Variants in KLHL3 observed in about 807,000 individuals in gnomAD.
KLHL3 encodes kelch-like protein 3.
In KLHL3, 19 loss-of-function variants were observed where a neutral mutation model predicts 70.5. The observed-to-expected ratio is 0.27, with a 90% CI of 0.19 to 0.40. The LOEUF (loss-of-function observed/expected upper bound fraction) is 0.40, where lower values mean the gene tolerates loss of function less well. KLHL3 is among the 10% of genes least tolerant of loss of function. KLHL3 has a pLI of 1.00. For missense variants in KLHL3, 512 were observed against 771.1 expected (o/e 0.66, Z 3.98); for synonymous variants, 258 against 290.3 (o/e 0.89, Z 1.13).
At chr5:137,633,278 CAAAAAAAAA>C (rs56084512) in intron 12 of KLHL3, among the ~76,000 whole-genome samples, 2 of 72,004 alleles carry the variant, frequency 2.8e-5, no homozygotes, top group Non-Finnish European at 4.6e-5. Flanking sequence ...GACTTCATCT[CAAAAAAAAA>C]AAAAAAAAAA....
chr5:137,696,203 G>C (rs1454388809), intron 4 of KLHL3, among the ~76,000 whole-genome samples: 1 of 152,246 alleles, frequency 6.6e-6, no homozygotes, highest in African/African-American at 2.4e-5. Flanking sequence ...ATTGCAGGGA[G>C]GCAGGGCCAT....
intron 2 of KLHL3, among the ~76,000 whole-genome samples, chr5:137,717,880 T>C (rs59102052): frequency 0.048 from 7,362 of 152,124 alleles, 611 homozygotes; most frequent in African/African-American, 0.17. Flanking sequence ...AGAGGGAGAA[T>C]AAGATTATTC....
intron 3 of KLHL3, among the ~76,000 whole-genome samples, chr5:137,698,686 T>C (rs1752501354): frequency 6.6e-6 from 1 of 152,228 alleles, no homozygotes; most frequent in South Asian, 2.1e-4. Context: ...ATCACTCATT[T>C]AACCAACATT....
intron 6 of KLHL3, among the ~76,000 whole-genome samples, chr5:137,665,124 A>G (rs1751582503): frequency 6.6e-6 from 1 of 152,202 alleles, no homozygotes; most frequent in Admixed American, 6.5e-5. Context: ...GCAACATTCT[A>G]TAGGACGGCT....
intron 6 of KLHL3, among the ~76,000 whole-genome samples, chr5:137,668,671 G>A (rs570823585): frequency 1.3e-5 from 2 of 152,286 alleles, no homozygotes; most frequent in South Asian, 4.1e-4. Context: ...AACAAGACTT[G>A]TGTTAAGCAT....
chr5:137,721,663 G>C (rs1752999679), intron 1 of KLHL3, among the ~76,000 whole-genome samples: 1 of 152,208 alleles, frequency 6.6e-6, no homozygotes, highest in Admixed American at 6.5e-5. Context: ...CAAGAGACAA[G>C]GGTATGGTGG....
intron 5 of KLHL3, among the ~76,000 whole-genome samples, chr5:137,683,246 AT>A (rs1454691229): frequency 2.0e-5 from 3 of 152,036 alleles, no homozygotes; most frequent in Non-Finnish European, 2.9e-5. Flanking sequence ...GAACATACTC[AT>A]TGTGTTTTAC....
At chr5:137,695,964 A>G (rs1752435625) in intron 4 of KLHL3, among the ~76,000 whole-genome samples, 1 of 152,150 alleles carries the variant, frequency 6.6e-6, no homozygotes, top group Non-Finnish European at 1.5e-5. Flanking sequence ...CCACCTCAGC[A>G]TTACAGTTCT....
intron 5 of KLHL3, among the ~76,000 whole-genome samples, chr5:137,685,376 C>T (rs2905592): frequency 0.78 from 118,851 of 152,124 alleles, 46,658 homozygotes; most frequent in East Asian, 0.98. Flanking sequence ...TAGCCATACA[C>T]AAGGGTGTGG....
chr5:137,660,742 G>A (rs895469827), intron 7 of KLHL3: 2 of 152,192 alleles, frequency 1.3e-5, no homozygotes, highest in Admixed American at 6.5e-5. Flanking sequence ...AAAGACTACA[G>A]AGTAAGATCA....
Position 137,621,929 on chromosome 5 carries a change from G to T in KLHL3, c.*169C>A. 2 of 723,312 alleles carry T rather than the reference G, an allele frequency of 2.8e-6. No individual in the cohort carries two copies. The highest frequency in any genetic ancestry group is 3.3e-5 in the South Asian group (2 of 60,238). The allele number at this position is 723,312 out of a possible 1,614,324, so 44.8% of individuals were successfully genotyped here. A position where few individuals can be genotyped will look rare whatever the true frequency, so the allele number is the denominator to read the frequency against. ...CCTCAGGGGAACGGGGGTGGGTAAT[G>T]GTGTCCACACTGCGATGAACAACAC... On this transcript the variant is annotated 3_prime_UTR_variant, in exon 15 of 15. Coordinates refer to ENST00000309755, the MANE Select transcript of KLHL3 (RefSeq NM_017415.3).
intron 5 of KLHL3, among the ~76,000 whole-genome samples, chr5:137,689,312 CCAG>C (rs1234303417): frequency 6.6e-6 from 1 of 152,152 alleles, no homozygotes. Flanking sequence ...ACCATTTGAC[CCAG>C]CAACCCCATT....
At chr5:137,730,527 G>C (rs191515884) in intron 1 of KLHL3, among the ~76,000 whole-genome samples, 99 of 152,256 alleles carry the variant, frequency 6.5e-4, no homozygotes, top group Middle Eastern at 3.4e-3. Flanking sequence ...TGTCATTCTT[G>C]TAACATGCTC....
chr5:137,674,859 T>G (rs565995225), intron 6 of KLHL3, among the ~76,000 whole-genome samples: 5 of 152,348 alleles, frequency 3.3e-5, no homozygotes, highest in African/African-American at 1.2e-4. Context: ...CTAAATCTCC[T>G]GGAGCAGACA....
chr5:137,684,350 A>G (rs1398250825), intron 5 of KLHL3, among the ~76,000 whole-genome samples: 3 of 152,260 alleles, frequency 2.0e-5, no homozygotes, highest in Admixed American at 6.5e-5. Context: ...AGTTAGGAGC[A>G]GCAATTTTAG....
chr5:137,628,174 T>C (rs1320828074), intron 13 of KLHL3, 123 bp downstream of exon 13: 2 of 1,242,062 alleles, frequency 1.6e-6, no homozygotes, highest in Non-Finnish European at 2.3e-6. Flanking sequence ...AAATGCACAC[T>C]CCCTGTTCAG....
intron 5 of KLHL3, among the ~76,000 whole-genome samples, chr5:137,681,193 A>C (rs1752016747): frequency 6.6e-6 from 1 of 152,184 alleles, no homozygotes; most frequent in Non-Finnish European, 1.5e-5. Context: ...ATAATAGTAC[A>C]TAAGGTGATA....
intron 5 of KLHL3, among the ~76,000 whole-genome samples, chr5:137,686,678 T>C (rs1309698226): frequency 2.0e-5 from 3 of 152,120 alleles, no homozygotes; most frequent in African/African-American, 4.8e-5. Context: ...GAGGCAGCAA[T>C]GGTAGAGAAC....
At chr5:137,628,676 G>T (rs576060373) in intron 12 of KLHL3, 7 of 336,024 alleles carry the variant, frequency 2.1e-5, no homozygotes, top group East Asian at 4.9e-5. Flanking sequence ...CCCAAATTCT[G>T]TTTTTAAAAA....
Sources: allele counts gnomAD v4.1 joint callset (sites outside exome capture counted in the v4.1 genomes callset), GRCh38; gene constraint gnomAD v4.1.1; transcripts MANE v1.5; gene names NCBI Gene and HGNC (gene_info 2026-07-23, HGNC 2026-07-21).